The following PKIG variants were observed in gnomAD, a reference collection of about 807,000 sequenced individuals.
The protein encoded by PKIG is cAMP-dependent protein kinase inhibitor gamma.
In PKIG, 1 loss-of-function variant was observed where a neutral mutation model predicts 6.8. The observed-to-expected ratio is 0.15, with a 90% CI of 0.05 to 0.69. The LOEUF (loss-of-function observed/expected upper bound fraction) is 0.69, where lower values mean the gene tolerates loss of function less well. Ranked by LOEUF, PKIG falls within the 30% of genes least tolerant of loss-of-function variation. The pLI, the probability that PKIG is intolerant of heterozygous loss-of-function variation, is 0.82. For synonymous variants in PKIG, 39 were observed against 43.0 expected, an observed-to-expected ratio of 0.91 and a Z score of 0.36; for missense variants, 77 against 104.0, an observed-to-expected ratio of 0.74 and a Z score of 1.13.
intron 1 of PKIG, among the ~76,000 whole-genome samples, chr20:44,589,107 T>C (rs2065013918): frequency 1.3e-5 from 2 of 152,204 alleles, no homozygotes; most frequent in Admixed American, 6.5e-5. Flanking sequence ...AAGTGTAAAG[T>C]ATGTATACTT....
intron 2 of PKIG, among the ~76,000 whole-genome samples, chr20:44,607,685 ATTT>A (rs146383327): frequency 3.3e-5 from 4 of 120,708 alleles, no homozygotes; most frequent in Admixed American, 8.7e-5. Context: ...TGGAAAATAA[ATTT>A]TTTTTTTTTT....
At chr20:44,569,486 T>C (rs1437549794) in intron 1 of PKIG, among the ~76,000 whole-genome samples, 1 of 152,252 alleles carries the variant, frequency 6.6e-6, no homozygotes, top group East Asian at 1.9e-4. Context: ...CCAGGCCTTC[T>C]GAAAGCGGTT....
intron 1 of PKIG, among the ~76,000 whole-genome samples, chr20:44,556,125 CA>C (rs369703750): frequency 3.2e-4 from 48 of 152,338 alleles, no homozygotes; most frequent in African/African-American, 1.1e-3. Context: ...AGGCATGAGC[CA>C]CCACACCCAG....
chr20:44,534,864 T>A (rs2064498770), intron 1 of PKIG, among the ~76,000 whole-genome samples: 1 of 152,108 alleles, frequency 6.6e-6, no homozygotes, highest in Non-Finnish European at 1.5e-5. Context: ...GAAACTGAGG[T>A]AACATGCTCA....
chr20:44,542,507 A>T (rs1201074049), intron 1 of PKIG, among the ~76,000 whole-genome samples: 1 of 151,998 alleles, frequency 6.6e-6, no homozygotes, highest in South Asian at 2.1e-4. Flanking sequence ...ATAAGGCTTA[A>T]CTTTCATTGG....
intron 2 of PKIG, among the ~76,000 whole-genome samples, chr20:44,599,929 C>T (rs1318247717): frequency 1.3e-5 from 2 of 152,126 alleles, no homozygotes; most frequent in South Asian, 2.1e-4. Flanking sequence ...CATTACCCTC[C>T]GGGCAGCTCT....
In PKIG at chr20:44,614,731, A is replaced by G. The variant is rs762344295; in HGVS notation, c.151+24A>G. ...AGGTTAGAGCCAGCAGGTCCTTGGCACTACTGCATGCCAGAGGCCCTCTGC... is the reference window on the plus strand; with the variant it reads ...AGGTTAGAGCCAGCAGGTCCTTGGCGCTACTGCATGCCAGAGGCCCTCTGC... On this transcript the variant is annotated intron_variant, in intron 3 of 3. Coordinates refer to ENST00000372886, the MANE Select transcript of PKIG (RefSeq NM_001281445.2). This position sits in a 1 kb window ranked among gnomAD's most constrained non-coding sequence, Gnocchi z 4.6. 1.9e-6 allele frequency: 3 copies of G among 1,612,384 alleles called. No homozygotes were observed. In the South Asian group the frequency reaches 3.3e-5, roughly 18 times the overall value.
chr20:44,592,152 C>T (rs529886352), intron 2 of PKIG, among the ~76,000 whole-genome samples: 1 of 152,276 alleles, frequency 6.6e-6, no homozygotes, highest in African/African-American at 2.4e-5. Flanking sequence ...TTATGAAGTA[C>T]ATATATATTA....
chr20:44,612,999 C>G (rs748179224), intron 2 of PKIG, among the ~76,000 whole-genome samples: 1 of 152,082 alleles, frequency 6.6e-6, no homozygotes, highest in African/African-American at 2.4e-5. Flanking sequence ...TGTTCTAAAG[C>G]GTCCCAAAGA....
intron 1 of PKIG, among the ~76,000 whole-genome samples, chr20:44,534,659 A>T (rs1423978981): frequency 6.6e-6 from 1 of 151,830 alleles, no homozygotes; most frequent in Non-Finnish European, 1.5e-5. Flanking sequence ...AGTAGAGATG[A>T]GGTTTTGCCA....
Position 44,607,375 on chromosome 20 carries a change from A to ATTT in PKIG, c.-23-7158_-23-7157insTTT, listed in dbSNP as rs1484119006. 1.2e-3 allele frequency among the ~76,000 whole-genome samples: 123 copies of ATTT among 106,202 alleles called. 2 individuals are homozygous for ATTT. Among genetic ancestry groups the ATTT allele is most frequent in the African/African-American group, 2.0e-3 (51 of 24,916 alleles). 69.7% of individuals were successfully genotyped at this position (106,202 alleles called of 152,430 possible). The stretch of plus-strand genomic sequence containing the variant: ...TGTGTGTGTGTATATATATATATAT[A>ATTT]TATTTTTTTTTTTTTTTTTTTGAAA... On this transcript the variant is annotated intron_variant, in intron 2 of 3. Transcript: ENST00000372886.
chr20:44,583,419 T>C (rs1389540189), intron 1 of PKIG, among the ~76,000 whole-genome samples: 5 of 152,234 alleles, frequency 3.3e-5, no homozygotes, highest in African/African-American at 1.2e-4. Flanking sequence ...TTTTCAGGGT[T>C]TGAAACTAAG....
intron 1 of PKIG, among the ~76,000 whole-genome samples, chr20:44,548,476 C>T (rs1207910231): frequency 1.3e-5 from 2 of 152,024 alleles, no homozygotes; most frequent in African/African-American, 4.8e-5. Flanking sequence ...ATAATGAAAA[C>T]AATTTTACTT....
At chr20:44,537,581 C>CT (rs1218503545) in intron 1 of PKIG, among the ~76,000 whole-genome samples, 231 of 142,242 alleles carry the variant, frequency 1.6e-3, no homozygotes, top group Middle Eastern at 0.011. Context: ...AATATACTTA[C>CT]TTTTTTTTTT....
intron 3 of PKIG, among the ~76,000 whole-genome samples, chr20:44,617,767 G>A (rs996189288): frequency 1.3e-5 from 2 of 152,052 alleles, no homozygotes; most frequent in East Asian, 3.9e-4. Context: ...AACATTGGCC[G>A]GGCACGGTGG....
intron 1 of PKIG, among the ~76,000 whole-genome samples, chr20:44,537,208 G>C (rs888018242): frequency 3.3e-5 from 5 of 151,942 alleles, no homozygotes; most frequent in Non-Finnish European, 1.5e-5. Flanking sequence ...GGGTTCAAGC[G>C]ATTCTCATGC....
intron 2 of PKIG, among the ~76,000 whole-genome samples, chr20:44,607,375 A>ATTTTTTTTTTT (rs1484119006): frequency 9.4e-6 from 1 of 106,250 alleles, no homozygotes; most frequent in East Asian, 2.5e-4. Flanking sequence ...ATATATATAT[A>ATTTTTTTTTTT]TATTTTTTTT....
chr20:44,546,741 C>T (rs1008313162), intron 1 of PKIG, among the ~76,000 whole-genome samples: 14 of 150,472 alleles, frequency 9.3e-5, no homozygotes. Context: ...TTAGTAGAAA[C>T]GGGGTTTCAC....
intron 1 of PKIG, among the ~76,000 whole-genome samples, chr20:44,542,934 T>C (rs760204022): frequency 6.6e-6 from 1 of 152,228 alleles, no homozygotes; most frequent in African/African-American, 2.4e-5. Context: ...TGTGGTGTGA[T>C]AAGTATAGTA....
Sources: allele counts gnomAD v4.1 joint callset (sites outside exome capture counted in the v4.1 genomes callset), GRCh38; gene constraint gnomAD v4.1.1; non-coding constraint Gnocchi (gnomAD v3.1); transcripts MANE v1.5; gene names NCBI Gene and HGNC (gene_info 2026-07-23, HGNC 2026-07-21).